CCNK: variants seen among roughly 807,000 people sequenced by gnomAD.
CCNK encodes cyclin K, also known as cyclin-K.
CCNK carries 9 observed loss-of-function variants against 65.0 expected under a neutral mutation model. That is an observed-to-expected ratio of 0.14 (90% CI 0.08 to 0.24). The LOEUF is 0.24. CCNK is among the 10% of genes least tolerant of loss of function. The probability of loss-of-function intolerance (pLI) is 1.00; values close to 1 mark genes in which losing one functional copy is unlikely to be tolerated. For synonymous variants in CCNK, 279 were observed against 270.8 expected (o/e 1.03, Z -0.30); for missense variants, 474 against 720.0 (o/e 0.66, Z 3.91).
chr14:99,485,964 T>C (rs1005240466), intron 1 of CCNK, among the ~76,000 whole-genome samples: 1 of 152,240 alleles, frequency 6.6e-6, no homozygotes, highest in African/African-American at 2.4e-5. Context: ...AAAATGTTAT[T>C]TTATTTATAT....
chr14:99,482,579 G>A (rs530789030), intron 1 of CCNK, among the ~76,000 whole-genome samples: 1 of 152,300 alleles, frequency 6.6e-6, no homozygotes, highest in Non-Finnish European at 1.5e-5. Context: ...CACCGCTGGT[G>A]TCTTTTAGGG....
At chr14:99,481,886 T>C (rs1403384119) in intron 1 of CCNK, among the ~76,000 whole-genome samples, 3 of 152,200 alleles carry the variant, frequency 2.0e-5, no homozygotes, top group African/African-American at 7.2e-5. Flanking sequence ...CTGAAACTTT[T>C]TGGAGGTTGT....
chr14:99,488,288 A>T (rs1226186295), intron 1 of CCNK, among the ~76,000 whole-genome samples: 2 of 152,114 alleles, frequency 1.3e-5, no homozygotes, highest in Non-Finnish European at 1.5e-5. Flanking sequence ...AAAAAAAAAA[A>T]AAAAGCAGGA....
intron 9 of CCNK, chr14:99,506,225 AAG>A (rs1896971883): frequency 6.6e-6 from 1 of 152,318 alleles, no homozygotes; most frequent in African/African-American, 2.4e-5. Context: ...AATCCAGAGA[AAG>A]AGGCCAGTGA....
At position 99,481,482 on chromosome 14, in the gene CCNK, G is replaced by A; in HGVS notation, c.-53+3G>A. 1 of 398,726 alleles carries A rather than the reference G, an allele frequency of 2.5e-6. No homozygotes were observed. The highest frequency in any genetic ancestry group is 4.4e-6 in the Non-Finnish European group (1 of 226,116). The allele number at this position is 398,726 out of a possible 1,614,324, so 24.7% of individuals were successfully genotyped here. ...GAGGGGCTTGCCTGAAGCGAGGGGTGAGTGACCCACCGACTGAGGGCAGCG... is the reference window on the plus strand; with the variant it reads ...GAGGGGCTTGCCTGAAGCGAGGGGTAAGTGACCCACCGACTGAGGGCAGCG... On this transcript the variant is annotated splice_donor_region_variant and intron_variant, in intron 1 of 10. Coordinates refer to ENST00000389879, the MANE Select transcript of CCNK (RefSeq NM_001099402.2).
chr14:99,488,280 A>T (rs1304642371), intron 1 of CCNK, among the ~76,000 whole-genome samples: 1 of 150,740 alleles, frequency 6.6e-6, no homozygotes, highest in African/African-American at 2.5e-5. Flanking sequence ...TTTTTTTTAA[A>T]AAAAAAAAAA....
chr14:99,489,685 A>G (rs956200347), intron 1 of CCNK, among the ~76,000 whole-genome samples: 2 of 152,240 alleles, frequency 1.3e-5, no homozygotes, highest in Non-Finnish European at 2.9e-5. Flanking sequence ...TTTGAGTTTT[A>G]GGATTTGCTT....
chr14:99,501,863 C>G (rs1896838866), intron 6 of CCNK: 1 of 235,316 alleles, frequency 4.2e-6, no homozygotes, highest in African/African-American at 2.3e-5. Flanking sequence ...TGAAGCTTCT[C>G]TTACATTTGA....
Position 99,492,621 on chromosome 14 carries a change from C to T in CCNK, c.-52-5C>T. The T allele has an allele frequency of 2.1e-6, 3 of 1,445,920 alleles. No individual in the cohort carries two copies. The highest frequency in any genetic ancestry group is 1.9e-6 in the Non-Finnish European group (2 of 1,065,618). 89.6% of individuals were successfully genotyped at this position (1,445,920 alleles called of 1,614,324 possible). A position where few individuals can be genotyped will look rare whatever the true frequency, so the allele number is the denominator to read the frequency against. On this transcript the variant is annotated splice_region_variant and splice_polypyrimidine_tract_variant and intron_variant, in intron 1 of 10. Coordinates refer to ENST00000389879, the MANE Select transcript of CCNK (RefSeq NM_001099402.2). ...TTTCCAACTTTGTTTTTCTCTTTCTCATAGGATTCTAACATTTTCAGAGAA... is the reference window on the plus strand; with the variant it reads ...TTTCCAACTTTGTTTTTCTCTTTCTTATAGGATTCTAACATTTTCAGAGAA...
intron 4 of CCNK, among the ~76,000 whole-genome samples, chr14:99,498,244 G>A (rs1336586251): frequency 6.6e-6 from 1 of 152,196 alleles, no homozygotes; most frequent in East Asian, 1.9e-4. Context: ...CCCAGTCCAG[G>A]AACAGTGAAA....
rs377690537 is a variant in CCNK, at chr14:99,510,227, C to T, written c.1188C>T (p.Leu396=). 1.9e-6 allele frequency: 3 copies of T among 1,596,674 alleles called. No homozygotes were observed. Among genetic ancestry groups the T allele is most frequent in the African/African-American group, 1.3e-5 (1 of 74,588 alleles). ...EPPGPVDATD[L]PKVQIPPPAH... The stretch of plus-strand genomic sequence containing the variant: ...CGGGCCCTGTGGATGCCACTGACCT[C>T]CCCAAAGTCCAGATTCCCCCTCCGG... The change falls in exon 11 of 11, where the codon CTC becomes CTT. Residue 396 remains leucine (L), a synonymous_variant. Coordinates refer to ENST00000389879, the MANE Select transcript of CCNK (RefSeq NM_001099402.2).
chr14:99,498,563 G>T (rs1896750742), intron 4 of CCNK, among the ~76,000 whole-genome samples: 1 of 152,186 alleles, frequency 6.6e-6, no homozygotes, highest in Admixed American at 6.5e-5. Context: ...TTTTAATTGT[G>T]TGGCTTTTCT....
At position 99,493,507 on chromosome 14, in the gene CCNK, A is replaced by G. The variant is rs745380208; in HGVS notation, c.198-7A>G. The G allele has an allele frequency of 7.5e-6, 12 of 1,603,112 alleles. 1 individual carries two copies. The South Asian group carries it at 8.9e-5, about 12-fold the overall frequency. The stretch of plus-strand genomic sequence containing the variant: ...TTATTGGTTAGAGTCCTTAACCAGA[A>G]CAACAGACACTATGATACCCTGGCA... On this transcript the variant is annotated splice_polypyrimidine_tract_variant and splice_region_variant and intron_variant, in intron 2 of 10. Transcript: ENST00000389879.
In CCNK at chr14:99,502,842, A is replaced by G; in HGVS notation, c.869A>G (p.Gln290Arg). Residue 290 changes from glutamine (Q) to arginine (R), a missense_variant, in exon 8 of 11, where the codon CAG becomes CGG. Physicochemically the swap from Gln to Arg is conservative, Grantham distance 43 (BLOSUM62 1). Transcript: ENST00000389879. Reference protein sequence around the residue: ...QPTPQVPQVQQSQPSQSSEPS... With the variant: ...QPTPQVPQVQRSQPSQSSEPS... ...ACACCACAAGTGCCGCAAGTACAGCAGTCACAGCCGTCTCAAAGCTCCGAA... is the reference window on the plus strand; with the variant it reads ...ACACCACAAGTGCCGCAAGTACAGCGGTCACAGCCGTCTCAAAGCTCCGAA... 6.2e-7 allele frequency: 1 copy of G among 1,613,592 alleles called. No individual in the cohort carries two copies. Among genetic ancestry groups the G allele is most frequent in the Non-Finnish European group, 8.5e-7 (1 of 1,179,688 alleles).
intron 10 of CCNK, chr14:99,508,242 C>G (rs1405843931): frequency 1.3e-5 from 2 of 152,264 alleles, no homozygotes; most frequent in African/African-American, 4.8e-5. Flanking sequence ...CAATATGAAC[C>G]TTACTTAAAT....
chr14:99,488,518 G>T (rs932871096), intron 1 of CCNK, among the ~76,000 whole-genome samples: 1 of 152,120 alleles, frequency 6.6e-6, no homozygotes, highest in Non-Finnish European at 1.5e-5. Flanking sequence ...TGGAAGTTCG[G>T]TCAAAAGTTT....
At chr14:99,490,273 C>T (rs542506107) in intron 1 of CCNK, among the ~76,000 whole-genome samples, 1 of 152,304 alleles carries the variant, frequency 6.6e-6, no homozygotes, top group East Asian at 1.9e-4. Context: ...ACCTGGTAGA[C>T]TCCATCTTAA....
Position 99,510,340 on chromosome 14 carries a change from C to A in CCNK, c.1301C>A (p.Thr434Asn). The A allele has an allele frequency of 6.4e-7, 1 of 1,571,140 alleles. No individual in the cohort carries two copies. Among genetic ancestry groups the A allele is most frequent in the Non-Finnish European group, 8.7e-7 (1 of 1,151,302 alleles). Residue 434 changes from threonine (T) to asparagine (N), a missense_variant, in exon 11 of 11, where the codon ACC (threonine) becomes AAC (asparagine). Transcript: ENST00000389879. ...TCCAGCTACATGACCGGGATGTCCACCACCAGCTCCTACATGTCTGGAGAG... is the reference window on the plus strand; with the variant it reads ...TCCAGCTACATGACCGGGATGTCCAACACCAGCTCCTACATGTCTGGAGAG... ...PPSSYMTGMS[T>N]TSSYMSGEGY...
chr14:99,497,004 C>G (rs1198544879), intron 4 of CCNK, among the ~76,000 whole-genome samples: 1 of 144,836 alleles, frequency 6.9e-6, no homozygotes, highest in East Asian at 2.1e-4. Context: ...CCATATACCC[C>G]CCACCCAACA....
Sources: allele counts gnomAD v4.1 joint callset (sites outside exome capture counted in the v4.1 genomes callset), GRCh38; gene constraint gnomAD v4.1.1; transcripts MANE v1.5; gene names NCBI Gene and HGNC (gene_info 2026-07-23, HGNC 2026-07-21).